LDLRAD4: variants seen among roughly 807,000 people sequenced by gnomAD.
LDLRAD4 encodes the protein low-density lipoprotein receptor class A domain-containing protein 4.
In LDLRAD4, 5 loss-of-function variants were observed where a neutral mutation model predicts 17.0. That is an observed-to-expected ratio of 0.29 (90% CI 0.15 to 0.62). The LOEUF (loss-of-function observed/expected upper bound fraction) is 0.62, where lower values mean the gene tolerates loss of function less well. Among genes scored for constraint, LDLRAD4 ranks in the 20% least tolerant of loss-of-function variants. LDLRAD4 has a pLI of 0.84. For missense variants in LDLRAD4, 340 were observed against 424.7 expected (o/e 0.80, Z 1.75); for synonymous variants, 168 against 171.8 (o/e 0.98, Z 0.17).
chr18:13,473,111 T>C (rs1483238858), intron 3 of LDLRAD4, among the ~76,000 whole-genome samples: 3 of 151,714 alleles, frequency 2.0e-5, no homozygotes, highest in Admixed American at 6.6e-5. Flanking sequence ...ATTGAAGCAT[T>C]TGAAGGCAGA....
At chr18:13,225,974 GCATTGAACGT>G (rs1454612025) in intron 1 of LDLRAD4, among the ~76,000 whole-genome samples, 2 of 151,822 alleles carry the variant, frequency 1.3e-5, no homozygotes, top group Admixed American at 1.3e-4. Flanking sequence ...AAATATGATT[GCATTGAACGT>G]CTTTAAACTT....
chr18:13,439,485 C>T (rs1361738588), intron 3 of LDLRAD4, among the ~76,000 whole-genome samples: 1 of 152,190 alleles, frequency 6.6e-6, no homozygotes, highest in Non-Finnish European at 1.5e-5. Flanking sequence ...TTTCTCCTAC[C>T]AAGCGCTCTT....
At chr18:13,289,754 C>G (rs1376545124) in intron 1 of LDLRAD4, among the ~76,000 whole-genome samples, 1 of 152,196 alleles carries the variant, frequency 6.6e-6, no homozygotes, top group Admixed American at 6.5e-5. Flanking sequence ...GAGAGAACAG[C>G]TGGGTTGCAG....
intron 1 of LDLRAD4, among the ~76,000 whole-genome samples, chr18:13,282,075 A>C (rs868157857): frequency 6.6e-6 from 1 of 152,138 alleles, no homozygotes. Context: ...ATCATATCTC[A>C]TGAGACTTAT....
At chr18:13,396,879 G>A (rs1370499533) in intron 2 of LDLRAD4, among the ~76,000 whole-genome samples, 5 of 152,166 alleles carry the variant, frequency 3.3e-5, no homozygotes, top group Non-Finnish European at 7.3e-5. Context: ...GGATACAGAG[G>A]GCTGACGGTA....
chr18:13,427,719 T>G (rs1388989451), intron 2 of LDLRAD4, among the ~76,000 whole-genome samples: 3 of 152,200 alleles, frequency 2.0e-5, no homozygotes, highest in African/African-American at 7.2e-5. Context: ...GAGAGAACGA[T>G]TCCATAATTG....
In LDLRAD4 at chr18:13,622,851, C is replaced by T. The variant is rs2040779156; in HGVS notation, c.336+1580C>T. 6.6e-6 allele frequency among the ~76,000 whole-genome samples: 1 copy of T among 152,208 alleles called. No homozygotes were observed. Among genetic ancestry groups the T allele is most frequent in the Admixed American group, 6.5e-5 (1 of 15,284 alleles). ...ACGCCACCCCTGGACTTGGTGGAAA[C>T]AAGCACAGCCTTCCTTGGCCTTCTC... On this transcript the variant is annotated intron_variant, in intron 4 of 5. Transcript: ENST00000359446. The surrounding 1 kb of genome is among the most constrained non-coding windows in gnomAD (Gnocchi z 5.3).
intron 3 of LDLRAD4, among the ~76,000 whole-genome samples, chr18:13,512,617 TC>T (rs2093799631): frequency 6.6e-6 from 1 of 152,234 alleles, no homozygotes; most frequent in Non-Finnish European, 1.5e-5. Flanking sequence ...ATGGACTTGA[TC>T]AATTCTTCCT....
chr18:13,548,255 C>A (rs1361590459), intron 3 of LDLRAD4, among the ~76,000 whole-genome samples: 1 of 150,084 alleles, frequency 6.7e-6, no homozygotes, highest in African/African-American at 2.5e-5. Flanking sequence ...CTGGAAAAAG[C>A]ACCGTAAGTT....
chr18:13,347,847 C>T (rs978474723), intron 1 of LDLRAD4, among the ~76,000 whole-genome samples: 1 of 152,204 alleles, frequency 6.6e-6, no homozygotes, highest in South Asian at 2.1e-4. Flanking sequence ...GATACCCTTT[C>T]TTCCAGTTGA....
chr18:13,404,525 T>C (rs563124044), intron 2 of LDLRAD4, among the ~76,000 whole-genome samples: 66 of 152,266 alleles, frequency 4.3e-4, no homozygotes, highest in Admixed American at 3.0e-3. Context: ...CGGCCGGGCA[T>C]GGTGGCTCAT....
At chr18:13,625,425 C>A (rs1394034447) in intron 4 of LDLRAD4, among the ~76,000 whole-genome samples, 1 of 152,122 alleles carries the variant, frequency 6.6e-6, no homozygotes, top group Non-Finnish European at 1.5e-5. Flanking sequence ...GGAAGCTTCC[C>A]GCCCTGCTAT....
chr18:13,307,203 C>T (rs755643769), intron 1 of LDLRAD4, among the ~76,000 whole-genome samples: 3 of 152,120 alleles, frequency 2.0e-5, no homozygotes, highest in Non-Finnish European at 4.4e-5. Flanking sequence ...TGTGAAGTTA[C>T]ACCAAGTGTG....
chr18:13,297,473 A>G (rs2046338554), intron 1 of LDLRAD4, among the ~76,000 whole-genome samples: 1 of 152,132 alleles, frequency 6.6e-6, no homozygotes, highest in Admixed American at 6.5e-5. Flanking sequence ...CCTGAATCCA[A>G]AGTCATGATG....
chr18:13,631,652 G>A (rs138390439), intron 4 of LDLRAD4, among the ~76,000 whole-genome samples: 58 of 152,270 alleles, frequency 3.8e-4, no homozygotes, highest in African/African-American at 8.4e-4. Flanking sequence ...TACTGGCTGC[G>A]CACAGTGACT....
intron 3 of LDLRAD4, among the ~76,000 whole-genome samples, chr18:13,448,819 G>A (rs2091603142): frequency 6.6e-6 from 1 of 152,180 alleles, no homozygotes; most frequent in South Asian, 2.1e-4. Flanking sequence ...TTGAGTAACT[G>A]AAGAAATAAA....
chr18:13,605,099 G>C (rs1311267690), intron 3 of LDLRAD4, among the ~76,000 whole-genome samples: 1 of 152,250 alleles, frequency 6.6e-6, no homozygotes, highest in Admixed American at 6.5e-5. Flanking sequence ...CCTGGCACTT[G>C]AGTTTGTCCA....
At chr18:13,478,451 AT>A (rs1482572251) in intron 3 of LDLRAD4, among the ~76,000 whole-genome samples, 1 of 152,194 alleles carries the variant, frequency 6.6e-6, no homozygotes, top group African/African-American at 2.4e-5. Context: ...TTTGCCTAAA[AT>A]CCTTGCTTGG....
intron 1 of LDLRAD4, among the ~76,000 whole-genome samples, chr18:13,230,323 A>G (rs1435982834): frequency 6.6e-6 from 1 of 152,212 alleles, no homozygotes; most frequent in African/African-American, 2.4e-5. Context: ...GGCTGGACTG[A>G]GACATAGACC....
Sources: allele counts gnomAD v4.1 joint callset (sites outside exome capture counted in the v4.1 genomes callset), GRCh38; gene constraint gnomAD v4.1.1; non-coding constraint Gnocchi (gnomAD v3.1); transcripts MANE v1.5; gene names NCBI Gene and HGNC (gene_info 2026-07-23, HGNC 2026-07-21).